The following PCDHA10 variants were observed in gnomAD, a reference collection of about 807,000 sequenced individuals.
PCDHA10 encodes the protein protocadherin alpha-10.
Under a neutral mutation model 61.2 loss-of-function variants are expected in PCDHA10, and 45 were observed. The ratio of observed to expected loss-of-function variants is 0.74; its 90% CI spans 0.58 to 0.94. The LOEUF is 0.94. Among genes scored for constraint, PCDHA10 ranks in the 40% least tolerant of loss-of-function variants. The pLI is 0.00. For missense variants in PCDHA10, 1,278 were observed against 1,236.2 expected (o/e 1.03, Z -0.51); for synonymous variants, 602 against 548.8 (o/e 1.10, Z -1.35).
chr5:140,999,568 G>A (rs1554256885), intron 3 of PCDHA10, among the ~76,000 whole-genome samples: 1 of 152,084 alleles, frequency 6.6e-6, no homozygotes, highest in Non-Finnish European at 1.5e-5. Context: ...TTTGAGAAGA[G>A]ACTATAAAGG....
chr5:140,898,817 C>T (rs1381051036), intron 1 of PCDHA10, among the ~76,000 whole-genome samples: 1 of 151,766 alleles, frequency 6.6e-6, no homozygotes, highest in Admixed American at 6.6e-5. Context: ...TCTTCCTACC[C>T]ATGAGCATGG....
chr5:140,855,912 G>C lies in PCDHA10; in HGVS notation c.-137G>C. 1.7e-6 allele frequency: 2 copies of C among 1,172,642 alleles called. No homozygotes were observed. The highest frequency in any genetic ancestry group is 2.4e-6 in the Non-Finnish European group (2 of 834,610). 72.6% of individuals were successfully genotyped at this position (1,172,642 alleles called of 1,614,324 possible). ...CAAAGGCATCAGCCAGTTTCTCAAG[G>C]ACTAGGAAGTAGCGTCATTCTGAGA... On this transcript the variant is annotated 5_prime_UTR_variant, in exon 1 of 4. Transcript: ENST00000307360.
chr5:140,936,034 A>C (rs1554210820), intron 1 of PCDHA10, among the ~76,000 whole-genome samples: 1 of 151,842 alleles, frequency 6.6e-6, no homozygotes, highest in East Asian at 1.9e-4. Context: ...CGGGGATTAC[A>C]GGCACCCACC....
At chr5:140,882,931 G>A in intron 1 of PCDHA10, 1 of 1,614,206 alleles carries the variant, frequency 6.2e-7, no homozygotes. Context: ...GTAAACCCGA[G>A]CTGACTGGCA....
rs782251799 is a variant in PCDHA10 at position 140,876,987 on chromosome 5, G to T, written c.2388+18551G>T. On this transcript the variant is annotated intron_variant, in intron 1 of 3. Transcript: ENST00000307360. The stretch of plus-strand genomic sequence containing the variant: ...GGCGGGTGGGCGAGCACGCACTGTC[G>T]AGCTACGTGTCGGTGCACGCGGAGA... The T allele has an allele frequency of 9.9e-6, 16 of 1,612,540 alleles. 1 individual carries two copies. The South Asian group carries it at 1.4e-4, about 14-fold the overall frequency.
At chr5:140,884,732 A>G in intron 1 of PCDHA10, 2 of 1,448,046 alleles carry the variant, frequency 1.4e-6, no homozygotes, top group South Asian at 1.6e-5. Flanking sequence ...TGTTTAAGAC[A>G]TCTTTCCTGC....
At chr5:140,950,914 T>C (rs1198787949) in intron 1 of PCDHA10, among the ~76,000 whole-genome samples, 1 of 152,044 alleles carries the variant, frequency 6.6e-6, no homozygotes, top group African/African-American at 2.4e-5. Flanking sequence ...TTTATTTTAT[T>C]TCAGTTCTTT....
intron 1 of PCDHA10, among the ~76,000 whole-genome samples, chr5:140,951,315 C>T (rs782114634): frequency 6.6e-6 from 1 of 151,988 alleles, no homozygotes. Context: ...ATGTGTTATT[C>T]TTGAGATTCA....
chr5:140,934,429 T>C (rs1480259267), intron 1 of PCDHA10, among the ~76,000 whole-genome samples: 1 of 152,194 alleles, frequency 6.6e-6, no homozygotes, highest in African/African-American at 2.4e-5. Context: ...TCAATGCAAG[T>C]GTAAATATAG....
At chr5:140,928,868 C>G (rs374918492) in intron 1 of PCDHA10, 32 of 1,614,062 alleles carry the variant, frequency 2.0e-5, no homozygotes, top group Non-Finnish European at 2.6e-5. Context: ...TTGAGCAACT[C>G]TGTCCCTCAG....
chr5:140,877,074 G>A (rs1554169286), intron 1 of PCDHA10: 1 of 1,613,132 alleles, frequency 6.2e-7, no homozygotes, highest in Non-Finnish European at 8.5e-7. Flanking sequence ...TGCAGTTCCA[G>A]GTGAGCGCGC....
rs782343997 is a variant in PCDHA10 at position 140,882,709 on chromosome 5, T to C, written c.2388+24273T>C. 6 of 1,614,022 alleles carry C rather than the reference T, an allele frequency of 3.7e-6. No homozygotes were observed. In the Admixed American group the frequency reaches 6.7e-5, roughly 18 times the overall value. ...GAATAATCATTGCAGAATCTAGACC[T>C]CCGGAAACTCGATTTCCACTAGATG... is the stretch of plus-strand genomic sequence containing the variant. On this transcript the variant is annotated intron_variant, in intron 1 of 3. Coordinates refer to ENST00000307360, the MANE Select transcript of PCDHA10 (RefSeq NM_018901.4).
chr5:140,887,101 CTTT>C (rs200717289), intron 1 of PCDHA10, among the ~76,000 whole-genome samples: 1 of 145,292 alleles, frequency 6.9e-6, no homozygotes, highest in African/African-American at 2.5e-5. Flanking sequence ...ATCTTTATCT[CTTT>C]TTTTTTTTTT....
intron 1 of PCDHA10, among the ~76,000 whole-genome samples, chr5:140,963,916 T>A (rs186370400): frequency 2.0e-5 from 3 of 152,356 alleles, no homozygotes; most frequent in East Asian, 3.9e-4. Flanking sequence ...AAGCTTAGGC[T>A]AAGTAACATG....
intron 1 of PCDHA10, chr5:140,929,159 A>C (rs781818133): frequency 1.2e-6 from 2 of 1,613,968 alleles, no homozygotes; most frequent in African/African-American, 1.3e-5. Context: ...ACTTATCTCT[A>C]TCGGGCCTCT....
At chr5:140,948,253 AT>A (rs1365335948) in intron 1 of PCDHA10, among the ~76,000 whole-genome samples, 1 of 151,624 alleles carries the variant, frequency 6.6e-6, no homozygotes, top group Non-Finnish European at 1.5e-5. Context: ...ATATTTTTAC[AT>A]CTGTGTTCAT....
chr5:140,968,118 C>T (rs141928119), intron 1 of PCDHA10: 717 of 1,614,170 alleles, frequency 4.4e-4, no homozygotes, highest in Middle Eastern at 2.3e-3. Context: ...CAGCTCACAT[C>T]CCTGCGTACA....
chr5:140,996,553 A>G lies in PCDHA10; in HGVS notation c.2537-13074A>G, dbSNP rs868960335. 1.1e-4 allele frequency among the ~76,000 whole-genome samples: 16 copies of G among 152,172 alleles called. No individual in the cohort carries two copies. In the South Asian group the frequency reaches 2.7e-3, roughly 26 times the overall value. On this transcript the variant is annotated intron_variant, in intron 3 of 3. Transcript: ENST00000307360. The stretch of plus-strand genomic sequence containing the variant: ...TGTGTTTTGATATTATGCTGTCACT[A>G]TCTTGAAGTTCTTGATAATTTGTTA...
At chr5:140,894,469 C>T (rs183471525) in intron 1 of PCDHA10, among the ~76,000 whole-genome samples, 8 of 151,852 alleles carry the variant, frequency 5.3e-5, no homozygotes, top group Admixed American at 5.2e-4. Context: ...ACTTTTTATT[C>T]TTGTTTTCAT....
Sources: allele counts gnomAD v4.1 joint callset (sites outside exome capture counted in the v4.1 genomes callset), GRCh38; gene constraint gnomAD v4.1.1; transcripts MANE v1.5; gene names NCBI Gene and HGNC (gene_info 2026-07-23, HGNC 2026-07-21).